RAPGEF2: variants seen among roughly 807,000 people sequenced by gnomAD.
RAPGEF2 encodes PDZ domain containing guanine nucleotide exchange factor (GEF) 1.
A neutral mutation model predicts 186.7 loss-of-function variants in RAPGEF2; 54 were observed. That is an observed-to-expected ratio of 0.29 (90% confidence interval 0.23 to 0.36). The LOEUF is 0.36. Ranked by LOEUF, RAPGEF2 falls within the 10% of genes least tolerant of loss-of-function variation. The probability of loss-of-function intolerance (pLI) is 1.00; values close to 1 mark genes in which losing one functional copy is unlikely to be tolerated. For missense variants in RAPGEF2, 1,532 were observed against 2,045.0 expected (o/e 0.75, Z 4.84); for synonymous variants, 712 against 705.9 (o/e 1.01, Z -0.14).
intron 4 of RAPGEF2, chr4:159,229,338 T>C (rs1295843126): frequency 3.9e-5 from 6 of 152,166 alleles, no homozygotes; most frequent in African/African-American, 1.2e-4. Context: ...AAGGGCAAGA[T>C]TAGGGACACT....
chr4:159,279,054 T>C (rs1454687411), intron 7 of RAPGEF2, among the ~76,000 whole-genome samples: 1 of 152,192 alleles, frequency 6.6e-6, no homozygotes, highest in Non-Finnish European at 1.5e-5. Context: ...ACCTTCTTTT[T>C]ACTAGTTCAT....
intron 1 of RAPGEF2, among the ~76,000 whole-genome samples, chr4:159,172,689 T>G (rs549141214): frequency 1.2e-3 from 186 of 152,322 alleles, no homozygotes; most frequent in Non-Finnish European, 2.2e-3. Flanking sequence ...AGAACAGTTA[T>G]CAGTAGGATA....
intron 7 of RAPGEF2, among the ~76,000 whole-genome samples, chr4:159,249,544 G>A (rs573629863): frequency 9.2e-5 from 14 of 151,494 alleles, no homozygotes; most frequent in Non-Finnish European, 1.9e-4. Flanking sequence ...TAGATGCTAG[G>A]TTTTAAATCA....
chr4:159,326,206 G>A (rs1765901897), intron 11 of RAPGEF2, among the ~76,000 whole-genome samples: 1 of 152,096 alleles, frequency 6.6e-6, no homozygotes, highest in African/African-American at 2.4e-5. Flanking sequence ...CCATTTTAAG[G>A]TATTTCTGTT....
At chr4:159,351,012 C>T (rs1391566946) in intron 26 of RAPGEF2, 1 of 1,490,010 alleles carries the variant, frequency 6.7e-7, no homozygotes, top group Non-Finnish European at 9.0e-7. Flanking sequence ...TCTCTCCTGT[C>T]CTTGTTACAT....
intron 29 of RAPGEF2, 70 bp from the exon 30 acceptor site, chr4:159,358,044 A>G (rs1732298972): frequency 2.1e-6 from 3 of 1,461,710 alleles, no homozygotes; most frequent in Non-Finnish European, 2.8e-6. Context: ...ATCAGTGAAT[A>G]TATTCTCTAT....
At position 159,267,240 on chromosome 4, in the gene RAPGEF2, G is replaced by T. The variant is rs1225618692; in HGVS notation, c.543+23449G>T. 11 of 1,289,144 alleles carry T rather than the reference G, an allele frequency of 8.5e-6. No homozygotes were observed. The South Asian group carries it at 1.4e-4, about 16-fold the overall frequency. 79.9% of individuals were successfully genotyped at this position (1,289,144 alleles called of 1,614,324 possible). On this transcript the variant is annotated intron_variant, in intron 7 of 29. Transcript: ENST00000691494. ...AGGAATTTTTTATTTAGAAAAGGAA[G>T]CTTTCTATCCAGGAAATGGCTTTCC...
intron 1 of RAPGEF2, among the ~76,000 whole-genome samples, chr4:159,106,483 T>G (rs1238190920): frequency 6.6e-6 from 1 of 152,232 alleles, no homozygotes; most frequent in Non-Finnish European, 1.5e-5. Context: ...GCTGGAAGAT[T>G]TTCCATACAG....
chr4:159,304,152 C>T lies in RAPGEF2; in HGVS notation c.544-190C>T, dbSNP rs116264067. Among the ~76,000 whole-genome samples, 463 of 152,238 alleles carry T rather than the reference C, an allele frequency of 3.0e-3. 1 individual carries two copies. Among genetic ancestry groups the T allele is most frequent in the African/African-American group, 0.01 (435 of 41,544 alleles). On this transcript the variant is annotated intron_variant, in intron 7 of 29. Coordinates refer to ENST00000691494, the MANE Select transcript of RAPGEF2 (RefSeq NM_001394067.2). ...GTGTTATTTAAGGCTCATGTGTGCTCATACACTTTAAAAATTATTATATGT... is the reference window on the plus strand; with the variant it reads ...GTGTTATTTAAGGCTCATGTGTGCTTATACACTTTAAAAATTATTATATGT...
intron 7 of RAPGEF2, among the ~76,000 whole-genome samples, chr4:159,301,160 G>A (rs1015664325): frequency 1.3e-5 from 2 of 152,088 alleles, no homozygotes; most frequent in Non-Finnish European, 2.9e-5. Flanking sequence ...ATCACTTGAG[G>A]CCAGCAGTTT....
At chr4:159,249,026 G>A (rs891286544) in intron 7 of RAPGEF2, among the ~76,000 whole-genome samples, 4 of 152,150 alleles carry the variant, frequency 2.6e-5, no homozygotes, top group Admixed American at 2.6e-4. Context: ...AAAGTAATAA[G>A]GGTGTTGTGT....
intron 1 of RAPGEF2, among the ~76,000 whole-genome samples, chr4:159,137,806 A>G (rs1354853075): frequency 6.6e-6 from 1 of 152,172 alleles, no homozygotes; most frequent in African/African-American, 2.4e-5. Context: ...AAAAATTAAA[A>G]ATACATGCAA....
intron 13 of RAPGEF2, among the ~76,000 whole-genome samples, chr4:159,330,815 C>G (rs1766589030): frequency 6.6e-6 from 1 of 152,090 alleles, no homozygotes; most frequent in Admixed American, 6.5e-5. Context: ...CCATAGGAAT[C>G]TACATTTTCT....
At chr4:159,309,128 C>T (rs1302438682) in intron 8 of RAPGEF2, among the ~76,000 whole-genome samples, 1 of 152,116 alleles carries the variant, frequency 6.6e-6, no homozygotes, top group African/African-American at 2.4e-5. Context: ...ACAAGGCAAG[C>T]GTTTTCTAAC....
chr4:159,200,369 G>A (rs942350351), intron 3 of RAPGEF2, among the ~76,000 whole-genome samples: 6 of 152,184 alleles, frequency 3.9e-5, no homozygotes, highest in African/African-American at 1.2e-4. Flanking sequence ...TCAGGAGGCT[G>A]AGGTGGGAAG....
In RAPGEF2 at chr4:159,103,747, C is replaced by A. The variant is rs1207455041; in HGVS notation, c.-416C>A. 3.3e-5 allele frequency: 5 copies of A among 152,568 alleles called. No individual in the cohort carries two copies. The highest frequency in any genetic ancestry group is 7.3e-5 in the Non-Finnish European group (5 of 68,390). 9.5% of individuals were successfully genotyped at this position (152,568 alleles called of 1,614,324 possible). A position where few individuals can be genotyped will look rare whatever the true frequency, so the allele number is the denominator to read the frequency against. On this transcript the variant is annotated 5_prime_UTR_variant, in exon 1 of 30. Transcript: ENST00000691494. ...CTGCCCACAGCCCTCCCCACTGCCA[C>A]TCGTACCTCCCTAAAAATAACTCGG...
intron 1 of RAPGEF2, among the ~76,000 whole-genome samples, chr4:159,117,399 C>T (rs367945701): frequency 6.6e-6 from 1 of 152,172 alleles, no homozygotes; most frequent in South Asian, 2.1e-4. Flanking sequence ...TGTGGACCTC[C>T]TAACATAATC....
chr4:159,320,484 G>A (rs890877399), intron 9 of RAPGEF2, among the ~76,000 whole-genome samples: 10 of 152,140 alleles, frequency 6.6e-5, no homozygotes, highest in Non-Finnish European at 1.2e-4. Flanking sequence ...AATACTGGTA[G>A]CAAAAGTAAA....
chr4:159,289,722 T>C (rs1760948794), intron 7 of RAPGEF2, among the ~76,000 whole-genome samples: 1 of 152,166 alleles, frequency 6.6e-6, no homozygotes, highest in Admixed American at 6.6e-5. Flanking sequence ...TTAAGTTCTG[T>C]GACAGGCAGC....
Sources: allele counts gnomAD v4.1 joint callset (sites outside exome capture counted in the v4.1 genomes callset), GRCh38; gene constraint gnomAD v4.1.1; transcripts MANE v1.5; gene names NCBI Gene and HGNC (gene_info 2026-07-23, HGNC 2026-07-21).